The following SAMD4A variants were observed in gnomAD, a reference collection of about 807,000 sequenced individuals.
SAMD4A encodes the protein protein Smaug homolog 1.
In SAMD4A, 33 loss-of-function variants were observed where a neutral mutation model predicts 81.3. The observed-to-expected ratio is 0.41, with a 90% CI of 0.31 to 0.54. The LOEUF is 0.54. Among genes scored for constraint, SAMD4A ranks in the 20% least tolerant of loss-of-function variants. The probability of loss-of-function intolerance (pLI) is 0.37; values close to 1 mark genes in which losing one functional copy is unlikely to be tolerated. For synonymous variants in SAMD4A, 389 were observed against 382.1 expected (o/e 1.02, Z -0.21); for missense variants, 854 against 951.1 (o/e 0.90, Z 1.34).
intron 2 of SAMD4A, among the ~76,000 whole-genome samples, chr14:54,667,923 C>T (rs1384952297): frequency 6.6e-6 from 1 of 152,174 alleles, no homozygotes; most frequent in Non-Finnish European, 1.5e-5. Flanking sequence ...CTGCCTGCCT[C>T]GGGAGCCCTG....
chr14:54,778,314 G>GTTGA (rs1594935315), intron 11 of SAMD4A, among the ~76,000 whole-genome samples: 1 of 152,314 alleles, frequency 6.6e-6, no homozygotes, highest in East Asian at 1.9e-4. Flanking sequence ...CTTCGGGTTT[G>GTTGA]TTGATAGAAT....
intron 7 of SAMD4A, among the ~76,000 whole-genome samples, chr14:54,762,701 A>G (rs1267073554): frequency 1.3e-5 from 2 of 152,210 alleles, no homozygotes; most frequent in Non-Finnish European, 2.9e-5. Context: ...GTTAACACTC[A>G]GCATACACAA....
At chr14:54,587,067 T>C (rs2033642575) in intron 2 of SAMD4A, among the ~76,000 whole-genome samples, 1 of 152,218 alleles carries the variant, frequency 6.6e-6, no homozygotes. Context: ...GAGAATGGGA[T>C]GTGTTTCCAT....
At position 54,610,159 on chromosome 14, in the gene SAMD4A, A is replaced by C. The variant is rs566090511; in HGVS notation, c.196+42047A>C. On this transcript the variant is annotated intron_variant, in intron 2 of 12. Coordinates refer to ENST00000554335, the MANE Select transcript of SAMD4A (RefSeq NM_015589.6). ...TTCATTCTGTTTTGAATACTTAATAAAAGTTCCCAAAATGAACACGAGTTT... is the reference window on the plus strand; with the variant it reads ...TTCATTCTGTTTTGAATACTTAATACAAGTTCCCAAAATGAACACGAGTTT... Among the ~76,000 whole-genome samples the C allele has an allele frequency of 3.3e-5, 5 of 152,302 alleles. No homozygotes were observed. The South Asian group carries it at 1.0e-3, about 32-fold the overall frequency.
chr14:54,574,765 A>G (rs2033238987), intron 2 of SAMD4A, among the ~76,000 whole-genome samples: 2 of 152,226 alleles, frequency 1.3e-5, no homozygotes, highest in South Asian at 2.1e-4. Flanking sequence ...GAGCAATAAC[A>G]TCTGAAACAG....
chr14:54,749,308 C>A (rs113024961), intron 5 of SAMD4A, among the ~76,000 whole-genome samples: 21 of 152,268 alleles, frequency 1.4e-4, no homozygotes, highest in African/African-American at 5.1e-4. Flanking sequence ...TCTCTCCCTC[C>A]CTCTGCTCGA....
At chr14:54,655,801 C>G (rs533473275) in intron 2 of SAMD4A, among the ~76,000 whole-genome samples, 2 of 152,156 alleles carry the variant, frequency 1.3e-5, no homozygotes, top group African/African-American at 4.8e-5. Context: ...TGCTTGTGTA[C>G]AAATTCAAGC....
chr14:54,729,189 G>A (rs2037497777), intron 3 of SAMD4A, among the ~76,000 whole-genome samples: 2 of 152,070 alleles, frequency 1.3e-5, no homozygotes. Context: ...CTGGCTATTT[G>A]AAGTTCCAAA....
chr14:54,663,445 T>G (rs544996105), intron 2 of SAMD4A, among the ~76,000 whole-genome samples: 1 of 152,338 alleles, frequency 6.6e-6, no homozygotes, highest in South Asian at 2.1e-4. Context: ...TCAAAAGATC[T>G]TAAGACACAA....
chr14:54,733,128 GTA>G (rs1050229047), intron 3 of SAMD4A, among the ~76,000 whole-genome samples: 6 of 152,180 alleles, frequency 3.9e-5, no homozygotes, highest in African/African-American at 1.4e-4. Flanking sequence ...GGTCCTGATA[GTA>G]TGACCAAGTT....
chr14:54,778,441 G>GT (rs1566636133), intron 11 of SAMD4A, among the ~76,000 whole-genome samples: 1 of 152,138 alleles, frequency 6.6e-6, no homozygotes, highest in East Asian at 1.9e-4. Flanking sequence ...AAACCCTCTT[G>GT]TTCCTGTGGT....
intron 3 of SAMD4A, chr14:54,735,131 T>C (rs1172711429): frequency 1.3e-5 from 2 of 152,220 alleles, no homozygotes; most frequent in Non-Finnish European, 2.9e-5. Context: ...TATAAATACT[T>C]AGACAGGCAT....
At chr14:54,571,041 A>G (rs61975115) in intron 2 of SAMD4A, among the ~76,000 whole-genome samples, 1 of 149,876 alleles carries the variant, frequency 6.7e-6, no homozygotes, top group Non-Finnish European at 1.5e-5. Context: ...ATAAAAAAAA[A>G]TTACTAGTAA....
intron 3 of SAMD4A, among the ~76,000 whole-genome samples, chr14:54,717,551 A>T (rs2037149952): frequency 6.6e-6 from 1 of 152,180 alleles, no homozygotes; most frequent in South Asian, 2.1e-4. Context: ...ACATCCAAGT[A>T]TTAATCTAAA....
At chr14:54,715,575 G>A (rs2037098274) in intron 3 of SAMD4A, among the ~76,000 whole-genome samples, 1 of 152,174 alleles carries the variant, frequency 6.6e-6, no homozygotes, top group Admixed American at 6.5e-5. Context: ...GGAGTGTGAA[G>A]GGAAGTCTGG....
At position 54,765,460 on chromosome 14, in the gene SAMD4A, G is replaced by GAA. The variant is rs11408246; in HGVS notation, c.1596+935_1596+936dup. 3.3e-3 allele frequency among the ~76,000 whole-genome samples: 389 copies of GAA among 119,366 alleles called. 8 individuals are homozygous for GAA. The highest frequency in any genetic ancestry group is 9.9e-3 in the African/African-American group (316 of 31,782). The allele number at this position is 119,366 out of a possible 152,430, so 78.3% of individuals were successfully genotyped here. ...AAACATATCAAGACCCTGTCACTAC[G>GAA]AAAAAAAAAAAAAAAAGCCAGGTGT... On this transcript the variant is annotated intron_variant, in intron 8 of 12. Coordinates refer to ENST00000554335, the MANE Select transcript of SAMD4A (RefSeq NM_015589.6).
In SAMD4A at chr14:54,572,810, A is replaced by G. The variant is rs1156536331; in HGVS notation, c.196+4698A>G. On this transcript the variant is annotated intron_variant, in intron 2 of 12. Transcript: ENST00000554335. ...GGATCTATTCTATCCCTCAGGTTTA[A>G]ATTTGCCTTTAATTAATATAGAATT... 3.9e-5 allele frequency among the ~76,000 whole-genome samples: 6 copies of G among 152,278 alleles called. No homozygotes were observed. In the South Asian group the frequency reaches 1.0e-3, roughly 26 times the overall value.
At chr14:54,755,815 AT>A (rs2139839333) in intron 6 of SAMD4A, among the ~76,000 whole-genome samples, 1 of 152,314 alleles carries the variant, frequency 6.6e-6, no homozygotes, top group African/African-American at 2.4e-5. Context: ...ATCTTGAGTA[AT>A]GAAAATGTTT....
rs1385115782 is a variant in SAMD4A, at chr14:54,568,090, C to T, written c.174C>T (p.Leu58=). 6.4e-7 allele frequency: 1 copy of T among 1,561,064 alleles called. No individual in the cohort carries two copies. ...SLADCAELHV[L]EREANSPGII... is the part of the protein sequence containing the mutation. ...CCGACTGCGCCGAGCTGCACGTCCT[C>T]GAACGCGAGGCCAACAGCCCCGGTA... is the stretch of plus-strand genomic sequence containing the variant. Residue 58 remains leucine, a synonymous_variant, in exon 2 of 13, where the codon CTC becomes CTT. Coordinates refer to ENST00000554335, the MANE Select transcript of SAMD4A (RefSeq NM_015589.6).
Sources: allele counts gnomAD v4.1 joint callset (sites outside exome capture counted in the v4.1 genomes callset), GRCh38; gene constraint gnomAD v4.1.1; transcripts MANE v1.5; gene names NCBI Gene and HGNC (gene_info 2026-07-23, HGNC 2026-07-21).